The following NRXN1 variants were observed in gnomAD, a reference collection of about 807,000 sequenced individuals.
NRXN1 encodes neurexin-1.
Under a neutral mutation model 150.9 loss-of-function variants are expected in NRXN1, and 39 were observed. The observed-to-expected ratio is 0.26, with a 90% CI of 0.20 to 0.34. The LOEUF (loss-of-function observed/expected upper bound fraction) is 0.34. Among genes scored for constraint, NRXN1 ranks in the 10% least tolerant of loss-of-function variants. The pLI is 1.00. For missense variants in NRXN1, 1,815 were observed against 1,949.9 expected, an observed-to-expected ratio of 0.93 and a Z score of 1.30; for synonymous variants, 924 against 757.0, an observed-to-expected ratio of 1.22 and a Z score of -3.62.
At chr2:50,147,694 T>G (rs1016516693) in intron 18 of NRXN1, among the ~76,000 whole-genome samples, 4 of 151,720 alleles carry the variant, frequency 2.6e-5, no homozygotes, top group African/African-American at 9.7e-5. Flanking sequence ...CTTGTAAAAT[T>G]AAGAAGATAA....
intron 8 of NRXN1, among the ~76,000 whole-genome samples, chr2:50,558,613 T>C (rs1178916377): frequency 6.6e-6 from 1 of 152,226 alleles, no homozygotes; most frequent in Non-Finnish European, 1.5e-5. Context: ...CAAGATGATA[T>C]TGTAGTTTTT....
At chr2:50,087,169 C>G (rs369222061) in intron 19 of NRXN1, among the ~76,000 whole-genome samples, 48 of 152,184 alleles carry the variant, frequency 3.2e-4, no homozygotes, top group African/African-American at 1.1e-3. Context: ...AGAAATTAGC[C>G]AAATATGATA....
intron 21 of NRXN1, among the ~76,000 whole-genome samples, chr2:50,040,880 T>C (rs1690832408): frequency 6.6e-6 from 1 of 152,168 alleles, no homozygotes; most frequent in Non-Finnish European, 1.5e-5. Context: ...TTTTTTTAAA[T>C]TACACTTTAA....
In NRXN1 at chr2:50,925,949, T is replaced by C. The variant is rs779434583; in HGVS notation, c.779A>G (p.Asn260Ser). The C allele has an allele frequency of 8.9e-6, 14 of 1,574,936 alleles. No homozygotes were observed. In the African/African-American group the frequency reaches 1.3e-4, roughly 15 times the overall value. The stretch of plus-strand genomic sequence containing the variant: ...TAGAAAGCACCCACCTTCCACATTG[T>C]TGTCTTCTGAAAGCACATGACAAGG... ...FRGKDCSQED[N>S]NVEGLAHLMM... The change falls in exon 3 of 23, where the codon AAC becomes AGC. Residue 260 changes from asparagine to serine, a missense_variant. Coordinates refer to ENST00000401669, the MANE Select transcript of NRXN1 (RefSeq NM_001330078.2).
chr2:50,284,447 A>G (rs75306151), intron 17 of NRXN1, among the ~76,000 whole-genome samples: 2,268 of 152,240 alleles, frequency 0.015, 56 homozygotes, highest in African/African-American at 0.052. Flanking sequence ...TTCTTCTTCT[A>G]TGACACTTAG....
chr2:51,002,101 G>C (rs10174990), intron 2 of NRXN1, among the ~76,000 whole-genome samples: 1 of 151,708 alleles, frequency 6.6e-6, no homozygotes, highest in Non-Finnish European at 1.5e-5. Flanking sequence ...AAAATACACA[G>C]GTTTAACTAT....
chr2:50,517,439 C>A (rs191008214), intron 12 of NRXN1, among the ~76,000 whole-genome samples: 3 of 151,896 alleles, frequency 2.0e-5, no homozygotes, highest in Non-Finnish European at 4.4e-5. Flanking sequence ...AGATGAAATA[C>A]CCCTTGATAT....
At chr2:50,987,875 T>C (rs561669684) in intron 2 of NRXN1, among the ~76,000 whole-genome samples, 1 of 152,060 alleles carries the variant, frequency 6.6e-6, no homozygotes, top group African/African-American at 2.4e-5. Flanking sequence ...AAAGGAACAC[T>C]ACGAAACACA....
chr2:51,006,255 T>A (rs1024111477), intron 2 of NRXN1, among the ~76,000 whole-genome samples: 3 of 151,756 alleles, frequency 2.0e-5, no homozygotes, highest in Non-Finnish European at 2.9e-5. Flanking sequence ...GGGACATGGA[T>A]GAAGCTGGAA....
intron 8 of NRXN1, among the ~76,000 whole-genome samples, chr2:50,557,621 A>G (rs2105371394): frequency 6.6e-6 from 1 of 152,312 alleles, no homozygotes; most frequent in African/African-American, 2.4e-5. Context: ...CTACCACATT[A>G]AGGTTACTGT....
At chr2:49,939,500 C>T (rs896401669) in intron 22 of NRXN1, among the ~76,000 whole-genome samples, 1 of 152,136 alleles carries the variant, frequency 6.6e-6, no homozygotes, top group Non-Finnish European at 1.5e-5. Context: ...GTGAAGTTAT[C>T]ATCCAATGCT....
At chr2:50,043,402 C>T (rs576939136) in intron 21 of NRXN1, among the ~76,000 whole-genome samples, 2 of 152,308 alleles carry the variant, frequency 1.3e-5, no homozygotes, top group East Asian at 3.9e-4. Flanking sequence ...ACATTACCAA[C>T]TGCTAGTTAA....
chr2:50,634,146 G>A (rs1237925630), intron 5 of NRXN1, among the ~76,000 whole-genome samples: 1 of 152,144 alleles, frequency 6.6e-6, no homozygotes, highest in African/African-American at 2.4e-5. Flanking sequence ...GATTTTATTC[G>A]ATGCACAATG....
chr2:50,164,035 A>C (rs12468282), intron 18 of NRXN1, among the ~76,000 whole-genome samples: 26,596 of 152,186 alleles, frequency 0.17, 2,825 homozygotes, highest in East Asian at 0.42. Flanking sequence ...ATTGTATTTC[A>C]GTATTGAAAT....
At chr2:50,908,615 G>C (rs1374610753) in intron 5 of NRXN1, among the ~76,000 whole-genome samples, 6 of 151,624 alleles carry the variant, frequency 4.0e-5, no homozygotes, top group Admixed American at 3.9e-4. Flanking sequence ...TGGTTTGAAA[G>C]AACCAAAAAA....
chr2:50,710,043 A>G (rs1694956250), intron 5 of NRXN1, among the ~76,000 whole-genome samples: 1 of 152,332 alleles, frequency 6.6e-6, no homozygotes, highest in African/African-American at 2.4e-5. Context: ...AGCATCCACC[A>G]GAACATGTGC....
intron 18 of NRXN1, among the ~76,000 whole-genome samples, chr2:50,106,005 T>A (rs1234767343): frequency 6.6e-6 from 1 of 151,874 alleles, no homozygotes; most frequent in African/African-American, 2.4e-5. Context: ...ACTTTCTTAG[T>A]CAATTTCAGA....
At chr2:50,764,339 C>T (rs1702152644) in intron 5 of NRXN1, among the ~76,000 whole-genome samples, 3 of 151,896 alleles carry the variant, frequency 2.0e-5, no homozygotes, top group South Asian at 4.1e-4. Context: ...CCATACTTTG[C>T]GTATGGTGCA....
At chr2:50,219,871 G>C (rs1415710757) in intron 18 of NRXN1, among the ~76,000 whole-genome samples, 1 of 134,706 alleles carries the variant, frequency 7.4e-6, no homozygotes, top group South Asian at 2.3e-4. Context: ...ATGAGACCTT[G>C]TGACTATATA....
Sources: gnomAD v4.1 joint callset for allele counts (sites outside exome capture counted in the v4.1 genomes callset) on GRCh38, gnomAD v4.1.1 for gene constraint, MANE v1.5 for transcripts, NCBI Gene and HGNC (gene_info 2026-07-23, HGNC 2026-07-21) for gene names.